Variants in KSR2 observed in about 807,000 individuals in gnomAD.
KSR2 encodes the protein kinase suppressor of ras 2.
Under a neutral mutation model 107.8 loss-of-function variants are expected in KSR2, and 25 were observed. The observed-to-expected ratio is 0.23, with a 90% CI of 0.17 to 0.32. KSR2 has a LOEUF of 0.32. Among genes scored for constraint, KSR2 ranks in the 10% least tolerant of loss-of-function variants. The pLI is 1.00. For synonymous variants in KSR2, 480 were observed against 507.0 expected (o/e 0.95, Z 0.71); for missense variants, 887 against 1,268.9 (o/e 0.70, Z 4.57).
rs576434977 is a variant in KSR2 at position 117,625,349 on chromosome 12, T to C, written c.1171+42125A>G. On this transcript the variant is annotated intron_variant, in intron 5 of 19. Coordinates refer to ENST00000339824, the MANE Select transcript of KSR2 (RefSeq NM_173598.6). ...ATATTGGCTGTGGGTTTGTCATAAATAGCTCTTATTATTTTGAGATACGTC... is the reference window on the plus strand; with the variant it reads ...ATATTGGCTGTGGGTTTGTCATAAACAGCTCTTATTATTTTGAGATACGTC... Among the ~76,000 whole-genome samples, 23 of 152,314 alleles carry C rather than the reference T, an allele frequency of 1.5e-4. No homozygotes were observed. The East Asian group carries it at 1.9e-3, about 13-fold the overall frequency.
At chr12:117,793,596 T>TTTACACCAATATGCACAC (rs1566017918) in intron 3 of KSR2, among the ~76,000 whole-genome samples, 42 of 94,148 alleles carry the variant, frequency 4.5e-4, no homozygotes, top group African/African-American at 2.7e-3. Context: ...TATGCACACA[T>TTTACACCAATATGCACAC]ACACCAACAT....
chr12:117,930,601 T>C (rs1217067748), intron 1 of KSR2, among the ~76,000 whole-genome samples: 1 of 152,156 alleles, frequency 6.6e-6, no homozygotes, highest in East Asian at 1.9e-4. Context: ...AAATTCTCGC[T>C]GTAGTTATGA....
At chr12:117,852,223 G>C (rs1414664658) in intron 3 of KSR2, among the ~76,000 whole-genome samples, 3 of 151,546 alleles carry the variant, frequency 2.0e-5, no homozygotes, top group African/African-American at 4.8e-5. Flanking sequence ...AGGAGGTCAA[G>C]ACCAGCCTGG....
chr12:117,714,760 G>A (rs1389367614), intron 4 of KSR2, among the ~76,000 whole-genome samples: 2 of 152,152 alleles, frequency 1.3e-5, no homozygotes, highest in Admixed American at 6.5e-5. Context: ...ACATTTTTGG[G>A]TGTCACAACT....
intron 4 of KSR2, among the ~76,000 whole-genome samples, chr12:117,720,743 G>A (rs991287667): frequency 2.0e-5 from 3 of 152,260 alleles, no homozygotes; most frequent in African/African-American, 7.2e-5. Context: ...TTGACAAGGG[G>A]GTCTGGCTTA....
At chr12:117,869,930 G>C (rs905882460) in intron 1 of KSR2, among the ~76,000 whole-genome samples, 1 of 152,234 alleles carries the variant, frequency 6.6e-6, no homozygotes, top group Non-Finnish European at 1.5e-5. Context: ...GACAATGCTA[G>C]CTGTGAGGCT....
At chr12:117,962,017 T>C (rs1896673583) in intron 1 of KSR2, among the ~76,000 whole-genome samples, 1 of 151,900 alleles carries the variant, frequency 6.6e-6, no homozygotes, top group South Asian at 2.1e-4. Context: ...CAGTGACATG[T>C]GGCTGTAGTC....
rs563437935 is a variant in KSR2 at position 117,476,448 on chromosome 12, G to A, written c.2582+16C>T. 1.3e-5 allele frequency: 21 copies of A among 1,585,006 alleles called. No homozygotes were observed. In the African/African-American group the frequency reaches 2.8e-4, roughly 21 times the overall value. The stretch of plus-strand genomic sequence containing the variant: ...CCAGGCTGTGGCTCTCAATGGCCAG[G>A]GCAGGGCCCACTTACCCAAGGGCAA... On this transcript the variant is annotated intron_variant, in intron 17 of 19. Transcript: ENST00000339824.
intron 1 of KSR2, among the ~76,000 whole-genome samples, chr12:117,891,868 T>G (rs971478317): frequency 2.0e-5 from 3 of 151,930 alleles, no homozygotes; most frequent in African/African-American, 7.3e-5. Flanking sequence ...GGCATGGTGG[T>G]GCACACCTGT....
intron 10 of KSR2, among the ~76,000 whole-genome samples, chr12:117,534,852 C>T (rs1284150602): frequency 2.6e-5 from 4 of 151,812 alleles, no homozygotes; most frequent in African/African-American, 9.7e-5. Flanking sequence ...TGAGGAGGGG[C>T]GACAAGCAAA....
chr12:117,887,941 G>A (rs755522007), intron 1 of KSR2, among the ~76,000 whole-genome samples: 1 of 152,206 alleles, frequency 6.6e-6, no homozygotes, highest in Non-Finnish European at 1.5e-5. Flanking sequence ...AGTCATGAGC[G>A]ACATTGTCTC....
intron 4 of KSR2, among the ~76,000 whole-genome samples, chr12:117,725,084 T>TCTCA (rs1468780403): frequency 1.3e-4 from 16 of 121,588 alleles, no homozygotes; most frequent in African/African-American, 3.9e-4. Flanking sequence ...TCTCTCTCTC[T>TCTCA]CACACACACA....
At chr12:117,537,229 C>CA (rs567474443) in intron 10 of KSR2, among the ~76,000 whole-genome samples, 4 of 151,900 alleles carry the variant, frequency 2.6e-5, no homozygotes, top group South Asian at 2.1e-4. Flanking sequence ...ACAACAACAA[C>CA]AAAAAAACTT....
intron 3 of KSR2, among the ~76,000 whole-genome samples, chr12:117,793,751 TACACCAACATGCACACATGCAACATGCAC>T (rs1449975263): frequency 9.7e-4 from 116 of 119,112 alleles, no homozygotes; most frequent in African/African-American, 3.2e-3. Flanking sequence ...CATGCACATA[TACACCAACATGCACACATGCAACATGCAC>T]ACACCAACAT....
At chr12:117,693,816 G>A (rs1238541956) in intron 4 of KSR2, among the ~76,000 whole-genome samples, 1 of 152,180 alleles carries the variant, frequency 6.6e-6, no homozygotes, top group African/African-American at 2.4e-5. Flanking sequence ...GCGGCTCACA[G>A]GGGAGACTCA....
intron 4 of KSR2, among the ~76,000 whole-genome samples, chr12:117,721,710 T>C (rs1408533961): frequency 1.3e-5 from 2 of 152,170 alleles, no homozygotes; most frequent in East Asian, 3.9e-4. Context: ...ACAGAGTGCA[T>C]TCCTACTCCC....
intron 7 of KSR2, among the ~76,000 whole-genome samples, chr12:117,574,609 T>G (rs912957900): frequency 6.6e-6 from 1 of 152,180 alleles, no homozygotes; most frequent in Admixed American, 6.5e-5. Flanking sequence ...CATGATTCAA[T>G]TATCTCCTGC....
intron 4 of KSR2, among the ~76,000 whole-genome samples, chr12:117,692,936 T>G (rs1288868413): frequency 6.6e-6 from 1 of 152,332 alleles, no homozygotes; most frequent in African/African-American, 2.4e-5. Context: ...GGTATAGGGC[T>G]TCCTTTTGGG....
At chr12:117,688,195 C>G (rs1296999056) in intron 4 of KSR2, among the ~76,000 whole-genome samples, 1 of 152,178 alleles carries the variant, frequency 6.6e-6, no homozygotes, top group African/African-American at 2.4e-5. Context: ...GCCTGGCCAA[C>G]ATGGTAAAAC....
Sources: allele counts gnomAD v4.1 joint callset (sites outside exome capture counted in the v4.1 genomes callset), GRCh38; gene constraint gnomAD v4.1.1; transcripts MANE v1.5; gene names NCBI Gene and HGNC (gene_info 2026-07-23, HGNC 2026-07-21).